Variants in CDK5RAP2 observed in about 807,000 individuals in gnomAD.
The protein encoded by CDK5RAP2 is CDK5 regulatory subunit associated protein 2, also known as CDK5 regulatory subunit-associated protein 2.
Under a neutral mutation model 232.9 loss-of-function variants are expected in CDK5RAP2, and 147 were observed. The ratio of observed to expected loss-of-function variants is 0.63; its 90% CI spans 0.55 to 0.72. The LOEUF (loss-of-function observed/expected upper bound fraction) is 0.72, where lower values mean the gene tolerates loss of function less well. CDK5RAP2 is among the 30% of genes least tolerant of loss of function. The pLI is 0.00. For synonymous variants in CDK5RAP2, 833 were observed against 833.7 expected, an observed-to-expected ratio of 1.00 and a Z score of 0.01; for missense variants, 2,195 against 2,231.5, an observed-to-expected ratio of 0.98 and a Z score of 0.33.
At chr9:120,420,955 G>A (rs949275912) in intron 26 of CDK5RAP2, among the ~76,000 whole-genome samples, 1 of 152,176 alleles carries the variant, frequency 6.6e-6, no homozygotes, top group African/African-American at 2.4e-5. Flanking sequence ...GAAAAGGAGT[G>A]GCACATTGGT....
At position 120,403,312 on chromosome 9, in the gene CDK5RAP2, C is replaced by G; in HGVS notation, c.5042-241G>C. 1 of 525,510 alleles carries G rather than the reference C, an allele frequency of 1.9e-6. No individual in the cohort carries two copies. The highest frequency in any genetic ancestry group is 3.4e-6 in the Non-Finnish European group (1 of 291,072). 32.6% of individuals were successfully genotyped at this position (525,510 alleles called of 1,614,324 possible). ...AACTCAACCAACACTTATCAACCAC[C>G]CACTCGGCAGAAGACCCCAGATTCA... On this transcript the variant is annotated intron_variant, in intron 33 of 37. Coordinates refer to ENST00000349780, the MANE Select transcript of CDK5RAP2 (RefSeq NM_018249.6). This position sits in a 1 kb window ranked among gnomAD's most constrained non-coding sequence, Gnocchi z 4.2.
At chr9:120,527,743 G>T in intron 10 of CDK5RAP2, 63 bp downstream of exon 10, 1 of 1,587,506 alleles carries the variant, frequency 6.3e-7, no homozygotes. Context: ...AAAATTCAGG[G>T]TAGGACAGGC....
intron 37 of CDK5RAP2, 32 bp from the exon 38 acceptor site, chr9:120,389,324 T>G: frequency 6.3e-7 from 1 of 1,589,166 alleles, no homozygotes; most frequent in East Asian, 2.2e-5. Flanking sequence ...AGGAGAATTT[T>G]AAGTCCAAAG....
intron 27 of CDK5RAP2, among the ~76,000 whole-genome samples, chr9:120,416,384 G>A (rs2034219878): frequency 6.6e-6 from 1 of 152,086 alleles, no homozygotes; most frequent in Admixed American, 6.5e-5. Flanking sequence ...TATGTTTACT[G>A]GTTCATTATG....
At chr9:120,493,396 C>T (rs1259562536) in intron 12 of CDK5RAP2, among the ~76,000 whole-genome samples, 4 of 152,334 alleles carry the variant, frequency 2.6e-5, no homozygotes, top group African/African-American at 9.6e-5. Context: ...GTATGAGCTG[C>T]ACCTCAGGGT....
intron 7 of CDK5RAP2, among the ~76,000 whole-genome samples, 196 bp downstream of exon 7, chr9:120,536,176 G>A (rs2041377504): frequency 6.6e-6 from 1 of 152,162 alleles, no homozygotes; most frequent in South Asian, 2.1e-4. Context: ...ATATGACTAT[G>A]CTATTCCTTT....
intron 25 of CDK5RAP2, among the ~76,000 whole-genome samples, chr9:120,424,806 T>C (rs2034788702): frequency 6.6e-6 from 1 of 151,672 alleles, no homozygotes; most frequent in Non-Finnish European, 1.5e-5. Context: ...TTCAAGCAAT[T>C]CTCATGCCTC....
chr9:120,402,899 G>A lies in CDK5RAP2; in HGVS notation c.5214C>T (p.Leu1738=). The change falls in exon 34 of 38, where the codon CTC becomes CTT. Residue 1738 remains leucine (L), a synonymous_variant. Transcript: ENST00000349780. The part of the protein sequence containing the change: ...LGLIEDYEAL[L]KQISQGQRLL... ...GCCTCTGTCCCTGGCTGATCTGTTT[G>A]AGCAGGGCCTCATAGTCCTCAATCA... 6.2e-7 allele frequency: 1 copy of A among 1,614,118 alleles called. No homozygotes were observed. Among genetic ancestry groups the A allele is most frequent in the Non-Finnish European group, 8.5e-7 (1 of 1,180,032 alleles).
chr9:120,522,024 G>A (rs935902157), intron 11 of CDK5RAP2, among the ~76,000 whole-genome samples: 2 of 152,128 alleles, frequency 1.3e-5, no homozygotes, highest in Non-Finnish European at 2.9e-5. Context: ...CAGTTAACAA[G>A]AGCAGAGTCA....
At chr9:120,441,697 C>G (rs146253913) in intron 23 of CDK5RAP2, among the ~76,000 whole-genome samples, 82 of 152,328 alleles carry the variant, frequency 5.4e-4, no homozygotes, top group African/African-American at 1.9e-3. Flanking sequence ...TTGAGGTACA[C>G]TCTTGTATCT....
intron 14 of CDK5RAP2, 86 bp from the exon 15 acceptor site, chr9:120,477,536 CCA>C: frequency 9.3e-7 from 1 of 1,076,006 alleles, no homozygotes; most frequent in Non-Finnish European, 1.4e-6. Context: ...GTAGCTAGTC[CCA>C]GTTTTTAAAA....
chr9:120,560,443 A>G (rs538958124), intron 3 of CDK5RAP2, among the ~76,000 whole-genome samples: 2 of 152,308 alleles, frequency 1.3e-5, no homozygotes, highest in East Asian at 3.9e-4. Flanking sequence ...TCCACTCACT[A>G]TTGACCAGGA....
intron 15 of CDK5RAP2, 91 bp downstream of exon 15, chr9:120,477,259 T>A: frequency 2.0e-6 from 2 of 982,324 alleles, no homozygotes; most frequent in Non-Finnish European, 3.3e-6. Flanking sequence ...GCCTTAGAGA[T>A]CAGCACTGAT....
chr9:120,568,139 G>A (rs2042713536), intron 3 of CDK5RAP2, among the ~76,000 whole-genome samples, 182 bp downstream of exon 3: 1 of 152,170 alleles, frequency 6.6e-6, no homozygotes, highest in Admixed American at 6.5e-5. Context: ...TTTGGCCCTT[G>A]TATAAAGGGC....
intron 20 of CDK5RAP2, among the ~76,000 whole-genome samples, chr9:120,455,240 A>G (rs2036694406): frequency 6.6e-6 from 1 of 152,170 alleles, no homozygotes; most frequent in African/African-American, 2.4e-5. Context: ...CATCAGTGAG[A>G]GGCAAGCCTC....
chr9:120,397,950 T>C (rs73660242), intron 35 of CDK5RAP2, among the ~76,000 whole-genome samples: 7,485 of 152,198 alleles, frequency 0.049, 275 homozygotes, highest in African/African-American at 0.1. Flanking sequence ...TGTAAATCCA[T>C]AGGGTTCTCT....
chr9:120,466,040 G>T (rs2037360083), intron 18 of CDK5RAP2, among the ~76,000 whole-genome samples: 1 of 151,962 alleles, frequency 6.6e-6, no homozygotes, highest in African/African-American at 2.4e-5. Flanking sequence ...CAAATGTTGG[G>T]GTAATGCTAT....
chr9:120,561,823 C>T (rs1476752396), intron 3 of CDK5RAP2, among the ~76,000 whole-genome samples: 1 of 152,182 alleles, frequency 6.6e-6, no homozygotes, highest in Non-Finnish European at 1.5e-5. Flanking sequence ...GAAATAACTG[C>T]ACTACCTTGT....
chr9:120,531,886 C>A (rs2041168495), intron 7 of CDK5RAP2, among the ~76,000 whole-genome samples: 1 of 152,158 alleles, frequency 6.6e-6, no homozygotes, highest in Admixed American at 6.5e-5. Context: ...TGTAAGATTG[C>A]CCTCTAGGGG....
Sources: gnomAD v4.1 joint callset for allele counts (sites outside exome capture counted in the v4.1 genomes callset) on GRCh38, gnomAD v4.1.1 for gene constraint, Gnocchi (gnomAD v3.1) non-coding constraint, MANE v1.5 for transcripts, NCBI Gene and HGNC (gene_info 2026-07-23, HGNC 2026-07-21) for gene names.